Variants in CSNK2A2IP observed in about 807,000 individuals in gnomAD.
CSNK2A2IP encodes casein kinase II subunit alpha'-interacting protein.
chr3:88,397,516 AAC>A, the CSNK2A2IP span, among the ~76,000 whole-genome samples: 2 of 152,186 alleles, frequency 1.3e-5, no homozygotes, highest in Non-Finnish European at 2.9e-5. Context: ...ATTGACAAAT[AAC>A]AGAGATTTAT....
At chr3:88,399,368 T>A in the CSNK2A2IP span, among the ~76,000 whole-genome samples, 1 of 152,066 alleles carries the variant, frequency 6.6e-6, no homozygotes, top group Non-Finnish European at 1.5e-5. Context: ...ATATAAGAAA[T>A]ATTTAGAAGT....
the CSNK2A2IP span, among the ~76,000 whole-genome samples, chr3:88,464,393 A>G: frequency 6.6e-6 from 1 of 151,560 alleles, no homozygotes; most frequent in Non-Finnish European, 1.5e-5. Flanking sequence ...TTAGGAATAA[A>G]CTGAAAAGAG....
chr3:88,355,882 T>C, the CSNK2A2IP span, among the ~76,000 whole-genome samples: 1 of 152,286 alleles, frequency 6.6e-6, no homozygotes, highest in East Asian at 1.9e-4. Flanking sequence ...AAATAATCTT[T>C]TTATATTTGT....
chr3:88,435,951 GCACATTATGTGTGCATTA>G, the CSNK2A2IP span, among the ~76,000 whole-genome samples: 1 of 86,972 alleles, frequency 1.1e-5, no homozygotes, highest in Admixed American at 1.0e-4. Flanking sequence ...TATATATAAT[GCACATTATGTGTGCATTA>G]TATATATTTC....
chr3:88,447,364 GAATATTTGGTTGTTTT>G, the CSNK2A2IP span, among the ~76,000 whole-genome samples: 52 of 152,106 alleles, frequency 3.4e-4, no homozygotes, highest in African/African-American at 1.3e-3. Flanking sequence ...TTACTGATGG[GAATATTTGGTTGTTTT>G]AATAATTTAC....
At chr3:88,412,276 A>T in the CSNK2A2IP span, among the ~76,000 whole-genome samples, 2 of 152,050 alleles carry the variant, frequency 1.3e-5, no homozygotes, top group African/African-American at 4.8e-5. Flanking sequence ...ATTAAAAAGC[A>T]GCAGTTCACA....
the CSNK2A2IP span, among the ~76,000 whole-genome samples, chr3:88,339,659 T>C: frequency 6.6e-6 from 1 of 152,112 alleles, no homozygotes; most frequent in Admixed American, 6.6e-5. Context: ...ACGTAAGTAA[T>C]GATGACACTT....
the CSNK2A2IP span, among the ~76,000 whole-genome samples, chr3:88,433,502 T>C: frequency 6.6e-6 from 1 of 152,192 alleles, no homozygotes; most frequent in Non-Finnish European, 1.5e-5. Context: ...TTGAGGTGTT[T>C]AGTTTTTCTA....
At chr3:88,345,491 A>G in the CSNK2A2IP span, among the ~76,000 whole-genome samples, 1 of 151,940 alleles carries the variant, frequency 6.6e-6, no homozygotes, top group Non-Finnish European at 1.5e-5. Context: ...TATCAGTGCC[A>G]TTTTTTCATC....
chr3:88,416,379 T>A, the CSNK2A2IP span, among the ~76,000 whole-genome samples: 1 of 152,086 alleles, frequency 6.6e-6, no homozygotes, highest in African/African-American at 2.4e-5. Flanking sequence ...TGCTTTTTGT[T>A]TATAGATTTT....
At chr3:88,339,517 A>G in the CSNK2A2IP span, among the ~76,000 whole-genome samples, 1 of 151,910 alleles carries the variant, frequency 6.6e-6, no homozygotes, top group South Asian at 2.1e-4. Context: ...GAGTGCAGAT[A>G]CCTCTTTGAT....
chr3:88,451,733 T>C, the CSNK2A2IP span, among the ~76,000 whole-genome samples: 11 of 111,456 alleles, frequency 9.9e-5, no homozygotes, highest in African/African-American at 2.8e-4. Context: ...CTCTCTCTCT[T>C]TTTTTTTTTT....
chr3:88,365,593 C>T, the CSNK2A2IP span, among the ~76,000 whole-genome samples: 1 of 152,152 alleles, frequency 6.6e-6, no homozygotes, highest in Non-Finnish European at 1.5e-5. Context: ...CTAAAGTAAT[C>T]TGGGTCTTGG....
chr3:88,385,510 CT>C, the CSNK2A2IP span, among the ~76,000 whole-genome samples: 58,273 of 151,662 alleles, frequency 0.38, 14,181 homozygotes, highest in South Asian at 0.6. Context: ...TATGAAATAA[CT>C]TTTTTTTTGT....
chr3:88,444,452 A>C, the CSNK2A2IP span, among the ~76,000 whole-genome samples: 1 of 152,174 alleles, frequency 6.6e-6, no homozygotes, highest in Non-Finnish European at 1.5e-5. Context: ...TCATTGTGAC[A>C]ATATTTTGGT....
the CSNK2A2IP span, among the ~76,000 whole-genome samples, chr3:88,458,362 G>C: frequency 2.6e-5 from 4 of 152,042 alleles, no homozygotes; most frequent in Non-Finnish European, 2.9e-5. Context: ...TGTTGGCCAG[G>C]CTGGTCTCGA....
At chr3:88,426,208 TAAG>T in the CSNK2A2IP span, among the ~76,000 whole-genome samples, 1 of 152,340 alleles carries the variant, frequency 6.6e-6, no homozygotes, top group East Asian at 1.9e-4. Context: ...TTTTTTGATA[TAAG>T]GTTACTGGAG....
At chr3:88,465,132 T>C in the CSNK2A2IP span, 1 of 373,124 alleles carries the variant, frequency 2.7e-6, no homozygotes, top group Non-Finnish European at 4.7e-6. Context: ...CTAAAGAAAA[T>C]ACTGAAGATA....
chr3:88,364,277 GT>G, the CSNK2A2IP span, among the ~76,000 whole-genome samples: 9 of 150,398 alleles, frequency 6.0e-5, no homozygotes, highest in South Asian at 8.4e-4. Context: ...TGTTTTGTCT[GT>G]TTTTTTTTGG....
Sources: gnomAD v4.1 joint callset for allele counts (sites outside exome capture counted in the v4.1 genomes callset) on GRCh38, gnomAD v4.1.1 for gene constraint, MANE v1.5 for transcripts, NCBI Gene and HGNC (gene_info 2026-07-23, HGNC 2026-07-21) for gene names.